The following SPTBN1 variants were observed in gnomAD, a reference collection of about 807,000 sequenced individuals.
SPTBN1 encodes spectrin beta, non-erythrocytic 1.
SPTBN1 carries 32 observed loss-of-function variants against 266.4 expected under a neutral mutation model. The observed-to-expected ratio is 0.12, with a 90% CI of 0.09 to 0.16. The LOEUF is 0.16. Among genes scored for constraint, SPTBN1 ranks in the 10% least tolerant of loss-of-function variants. SPTBN1 has a pLI of 1.00. For synonymous variants in SPTBN1, 1,336 were observed against 1,162.2 expected (o/e 1.15, Z -3.04); for missense variants, 2,296 against 3,067.1 (o/e 0.75, Z 5.94).
chr2:54,539,526 C>A (rs946939190), intron 2 of SPTBN1, among the ~76,000 whole-genome samples: 2 of 152,056 alleles, frequency 1.3e-5, no homozygotes, highest in African/African-American at 4.8e-5. Context: ...TGATGTGTAT[C>A]TTTTGAGATA....
intron 1 of SPTBN1, among the ~76,000 whole-genome samples, chr2:54,505,061 T>G (rs1669481655): frequency 1.3e-5 from 2 of 152,194 alleles, no homozygotes; most frequent in Non-Finnish European, 2.9e-5. Context: ...AAAGTAATGG[T>G]GATTCAGTTA....
intron 2 of SPTBN1, among the ~76,000 whole-genome samples, chr2:54,578,672 TTATTTA>T (rs1216803607): frequency 6.6e-6 from 1 of 152,100 alleles, no homozygotes; most frequent in Non-Finnish European, 1.5e-5. Flanking sequence ...GTGAGGCAAG[TTATTTA>T]TATTTATTAT....
intron 17 of SPTBN1, among the ~76,000 whole-genome samples, chr2:54,636,508 A>G (rs1401473263): frequency 1.3e-5 from 2 of 152,130 alleles, no homozygotes; most frequent in Admixed American, 1.3e-4. Context: ...GTCAGCAGCC[A>G]CTGAGGGCCC....
At chr2:54,535,725 C>T (rs1288337520) in intron 2 of SPTBN1, among the ~76,000 whole-genome samples, 1 of 152,184 alleles carries the variant, frequency 6.6e-6, no homozygotes, top group Non-Finnish European at 1.5e-5. Context: ...CTGTTGTAGG[C>T]ATCAGAAACT....
At chr2:54,479,037 T>C (rs1667980957) in intron 1 of SPTBN1, among the ~76,000 whole-genome samples, 1 of 152,192 alleles carries the variant, frequency 6.6e-6, no homozygotes, top group African/African-American at 2.4e-5. Context: ...CTGAGTGTCC[T>C]GGCTGCCTGG....
Position 54,558,976 on chromosome 2 carries a change from C to T in SPTBN1, c.148+32410C>T. ...TTGTGACCCTAATGAAGACGGGCGGCTTCACAGCTCGGCCCCAGACCCTGT... is the reference window on the plus strand; with the variant it reads ...TTGTGACCCTAATGAAGACGGGCGGTTTCACAGCTCGGCCCCAGACCCTGT... On this transcript the variant is annotated intron_variant, in intron 2 of 35. Transcript: ENST00000356805. This position sits in a 1 kb window ranked among gnomAD's most constrained non-coding sequence, Gnocchi z 4.6. The T allele has an allele frequency of 6.8e-7, 1 of 1,470,002 alleles. No individual in the cohort carries two copies. The highest frequency in any genetic ancestry group is 9.2e-7 in the Non-Finnish European group (1 of 1,087,568). The allele number at this position is 1,470,002 out of a possible 1,614,324, so 91.1% of individuals were successfully genotyped here.
chr2:54,655,479 A>G lies in SPTBN1; in HGVS notation c.5961+271A>G, dbSNP rs142194526. ...TCAGTACTCTTTCTAGGTGACGCCA[A>G]TGTCCATTGACTATGCCCTAGATCA... On this transcript the variant is annotated intron_variant, in intron 28 of 35. Coordinates refer to ENST00000356805, the MANE Select transcript of SPTBN1 (RefSeq NM_003128.3). Among the ~76,000 whole-genome samples the G allele has an allele frequency of 1.1e-3, 160 of 152,370 alleles. 1 individual carries two copies. The highest frequency in any genetic ancestry group is 3.6e-3 in the African/African-American group (151 of 41,594).
Position 54,644,439 on chromosome 2 carries a change from G to A in SPTBN1, c.4122G>A (p.Gln1374=). 2.5e-6 allele frequency: 4 copies of A among 1,614,266 alleles called. No homozygotes were observed. The highest frequency in any genetic ancestry group is 3.4e-6 in the Non-Finnish European group (4 of 1,180,054). ...AATCCACTACCCAGACAAAGGCCCA[G>A]CGGCTCTTTGATGCAAACAAGGCCG... ...VLESTTQTKA[Q]RLFDANKAEL... The change falls in exon 20 of 36, where the codon CAG becomes CAA. Residue 1374 remains glutamine, a synonymous_variant. Coordinates refer to ENST00000356805, the MANE Select transcript of SPTBN1 (RefSeq NM_003128.3).
At chr2:54,487,065 T>A (rs530882966) in intron 1 of SPTBN1, among the ~76,000 whole-genome samples, 1 of 152,278 alleles carries the variant, frequency 6.6e-6, no homozygotes, top group African/African-American at 2.4e-5. Context: ...TAACCATCAA[T>A]TCTGAATCTG....
intron 32 of SPTBN1, chr2:54,660,480 C>G (rs1159332787): frequency 2.0e-6 from 2 of 989,832 alleles, no homozygotes; most frequent in East Asian, 1.1e-4. Context: ...TGTTATTAAC[C>G]TATAGTAGTT....
intron 2 of SPTBN1, among the ~76,000 whole-genome samples, chr2:54,530,321 CTAT>C (rs2104347528): frequency 7.6e-6 from 1 of 131,934 alleles, no homozygotes; most frequent in African/African-American, 2.8e-5. Context: ...CAGATACTTC[CTAT>C]TATTAGGTTA....
At chr2:54,481,351 G>C (rs1421421246) in intron 1 of SPTBN1, among the ~76,000 whole-genome samples, 1 of 151,618 alleles carries the variant, frequency 6.6e-6, no homozygotes, top group African/African-American at 2.4e-5. Context: ...GCATGCCTTT[G>C]GGAAATGCTG....
chr2:54,642,260 C>T (rs775504807), intron 18 of SPTBN1, among the ~76,000 whole-genome samples: 4 of 152,180 alleles, frequency 2.6e-5, no homozygotes, highest in African/African-American at 7.2e-5. Flanking sequence ...GGTCTGTCAG[C>T]GGCCAGCAGC....
rs1298387868 is a variant in SPTBN1 at position 54,554,456 on chromosome 2, T to C, written c.148+27890T>C. Among the ~76,000 whole-genome samples, 2 of 152,232 alleles carry C rather than the reference T, an allele frequency of 1.3e-5. No homozygotes were observed. Among genetic ancestry groups the C allele is most frequent in the Non-Finnish European group, 2.9e-5 (2 of 68,030 alleles). ...TACCAAGTGTGATGGTTCTGGTTAT[T>C]ACGGCCATTCAGTTTAAGTGGAGAT... On this transcript the variant is annotated intron_variant, in intron 2 of 35. Coordinates refer to ENST00000356805, the MANE Select transcript of SPTBN1 (RefSeq NM_003128.3). The surrounding 1 kb of genome is among the most constrained non-coding windows in gnomAD (Gnocchi z 4.5).
At chr2:54,594,090 C>G (rs905234593) in intron 2 of SPTBN1, among the ~76,000 whole-genome samples, 2 of 152,060 alleles carry the variant, frequency 1.3e-5, no homozygotes, top group African/African-American at 4.8e-5. Flanking sequence ...CTCGGCCTCC[C>G]AAAGCTGGGA....
chr2:54,622,294 T>C lies in SPTBN1; in HGVS notation c.877-6T>C, dbSNP rs755058857. 1 of 1,613,400 alleles carries C rather than the reference T, an allele frequency of 6.2e-7. No individual in the cohort carries two copies. The highest frequency in any genetic ancestry group is 8.5e-7 in the Non-Finnish European group (1 of 1,179,556). On this transcript the variant is annotated splice_polypyrimidine_tract_variant and splice_region_variant and intron_variant, in intron 8 of 35. Transcript: ENST00000356805. The stretch of plus-strand genomic sequence containing the variant: ...TCTTTTCAATTTTTCTATCCCTTGT[T>C]GCCAGGTGCTTGACAATGCTATTGA...
chr2:54,644,959 T>C (rs1431964719), intron 20 of SPTBN1, among the ~76,000 whole-genome samples: 1 of 152,258 alleles, frequency 6.6e-6, no homozygotes, highest in Non-Finnish European at 1.5e-5. Flanking sequence ...GTGACAGTTA[T>C]CTGAGTTGTT....
At chr2:54,539,066 C>T (rs997494029) in intron 2 of SPTBN1, among the ~76,000 whole-genome samples, 4 of 152,152 alleles carry the variant, frequency 2.6e-5, no homozygotes, top group African/African-American at 9.7e-5. Context: ...ATTCTGTACC[C>T]CATGTTCTCT....
chr2:54,535,797 A>G (rs1287732363), intron 2 of SPTBN1, among the ~76,000 whole-genome samples: 2 of 152,206 alleles, frequency 1.3e-5, no homozygotes, highest in Non-Finnish European at 2.9e-5. Flanking sequence ...GGATCACCTG[A>G]GATCAGGAGT....
Sources: gnomAD v4.1 joint callset for allele counts (sites outside exome capture counted in the v4.1 genomes callset) on GRCh38, gnomAD v4.1.1 for gene constraint, Gnocchi (gnomAD v3.1) non-coding constraint, MANE v1.5 for transcripts, NCBI Gene and HGNC (gene_info 2026-07-23, HGNC 2026-07-21) for gene names.